TM9SF3: variants seen among roughly 807,000 people sequenced by gnomAD.
TM9SF3 encodes SM-11044-binding protein.
Under a neutral mutation model 78.6 loss-of-function variants are expected in TM9SF3, and 14 were observed. The observed-to-expected ratio is 0.18, with a 90% CI of 0.12 to 0.28. The LOEUF (loss-of-function observed/expected upper bound fraction) is 0.28. Ranked by LOEUF, TM9SF3 falls within the 10% of genes least tolerant of loss-of-function variation. The pLI, the probability that TM9SF3 is intolerant of heterozygous loss-of-function variation, is 1.00. For missense variants in TM9SF3, 496 were observed against 721.9 expected, an observed-to-expected ratio of 0.69 and a Z score of 3.59; for synonymous variants, 231 against 241.7, an observed-to-expected ratio of 0.96 and a Z score of 0.41.
At chr10:96,527,517 G>A (rs749360283) in intron 12 of TM9SF3, 21 bp from the exon 13 acceptor site, 3 of 1,573,934 alleles carry the variant, frequency 1.9e-6, no homozygotes, top group East Asian at 2.2e-5. Context: ...GAGGGGGAAA[G>A]AAGATAAATC....
chr10:96,566,081 A>G (rs1355676545), intron 2 of TM9SF3, among the ~76,000 whole-genome samples: 3 of 152,188 alleles, frequency 2.0e-5, no homozygotes, highest in Non-Finnish European at 4.4e-5. Flanking sequence ...AACTTAATAA[A>G]CCTAGTATTT....
intron 2 of TM9SF3, among the ~76,000 whole-genome samples, chr10:96,574,135 C>T (rs983013647): frequency 2.6e-5 from 4 of 152,128 alleles, no homozygotes; most frequent in African/African-American, 7.2e-5. Context: ...AGTGAACAGG[C>T]AACCTACAGA....
At chr10:96,568,794 T>C (rs1004002786) in intron 2 of TM9SF3, among the ~76,000 whole-genome samples, 10 of 152,014 alleles carry the variant, frequency 6.6e-5, no homozygotes, top group Non-Finnish European at 1.5e-4. Flanking sequence ...TAGTATCTAG[T>C]AGCTATGTGA....
At chr10:96,578,156 C>A (rs894545954) in intron 1 of TM9SF3, among the ~76,000 whole-genome samples, 1 of 152,144 alleles carries the variant, frequency 6.6e-6, no homozygotes, top group Non-Finnish European at 1.5e-5. Context: ...AAGACTTAGA[C>A]CCAGTCATTT....
At chr10:96,541,214 GAA>G (rs11362800) in intron 9 of TM9SF3, among the ~76,000 whole-genome samples, 3 of 152,146 alleles carry the variant, frequency 2.0e-5, no homozygotes, top group South Asian at 2.1e-4. Flanking sequence ...GCCCACGAAA[GAA>G]AAGACTTTGT....
chr10:96,518,651 C>G lies in TM9SF3; in HGVS notation c.*3612G>C, dbSNP rs1332251436. On this transcript the variant is annotated 3_prime_UTR_variant, in exon 15 of 15. Transcript: ENST00000371142. ...TGCAGCTCCAGTAAGAATGCCAAAT[C>G]AGATGGCTTTTAGGAAATGCTCATA... is the stretch of plus-strand genomic sequence containing the variant. The G allele has an allele frequency of 6.6e-6, 1 of 152,138 alleles. No homozygotes were observed. Among genetic ancestry groups the G allele is most frequent in the African/African-American group, 2.4e-5 (1 of 41,462 alleles). The allele number at this position is 152,138 out of a possible 1,614,324, so 9.4% of individuals were successfully genotyped here. A position where few individuals can be genotyped will look rare whatever the true frequency, so the allele number is the denominator to read the frequency against.
intron 2 of TM9SF3, among the ~76,000 whole-genome samples, chr10:96,572,760 C>T (rs1848451504): frequency 6.6e-6 from 1 of 152,004 alleles, no homozygotes; most frequent in African/African-American, 2.4e-5. Context: ...TCGTGATCCA[C>T]CCGCCTCAGC....
intron 6 of TM9SF3, 106 bp from the exon 7 acceptor site, chr10:96,551,517 T>C (rs945807370): frequency 4.2e-6 from 3 of 720,156 alleles, no homozygotes; most frequent in African/African-American, 3.7e-5. Flanking sequence ...TCCAAATTTA[T>C]AGCTAAAGAA....
In TM9SF3 at chr10:96,522,008, A is replaced by C. The variant is rs1320685689; in HGVS notation, c.*255T>G. The C allele has an allele frequency of 4.8e-6, 2 of 418,020 alleles. No individual in the cohort carries two copies. Among genetic ancestry groups the C allele is most frequent in the Non-Finnish European group, 8.5e-6 (2 of 236,440 alleles). 25.9% of individuals were successfully genotyped at this position (418,020 alleles called of 1,614,324 possible). A position where few individuals can be genotyped will look rare whatever the true frequency, so the allele number is the denominator to read the frequency against. On this transcript the variant is annotated 3_prime_UTR_variant, in exon 15 of 15. Transcript: ENST00000371142. Reference sequence around the variant, plus strand: ...ATCTTTAATGAGCTAGTTTTTGGGAAGATTAGCCATGTACTGTAGTAATGC... The same window carrying C: ...ATCTTTAATGAGCTAGTTTTTGGGACGATTAGCCATGTACTGTAGTAATGC...
chr10:96,586,986 C>T lies in TM9SF3; in HGVS notation c.-151G>A, dbSNP rs1452720602. On this transcript the variant is annotated 5_prime_UTR_variant, in exon 1 of 15. Transcript: ENST00000371142. ...GGCCCAGCCGCTGCCTCCTCTGCCG[C>T]CGCCGTCGCCGTCACCGCCCGCTCC... is the stretch of plus-strand genomic sequence containing the variant. 3 of 494,690 alleles carry T rather than the reference C, an allele frequency of 6.1e-6. No individual in the cohort carries two copies. The highest frequency in any genetic ancestry group is 8.5e-6 in the Non-Finnish European group (3 of 351,220). The allele number at this position is 494,690 out of a possible 1,614,324, so 30.6% of individuals were successfully genotyped here. A position where few individuals can be genotyped will look rare whatever the true frequency, so the allele number is the denominator to read the frequency against.
rs539667361 is a variant in TM9SF3 at position 96,520,875 on chromosome 10, A to G, written c.*1388T>C. 2.5e-6 allele frequency: 1 copy of G among 397,074 alleles called. No individual in the cohort carries two copies. The highest frequency in any genetic ancestry group is 2.1e-5 in the African/African-American group (1 of 48,676). 24.6% of individuals were successfully genotyped at this position (397,074 alleles called of 1,614,324 possible). On this transcript the variant is annotated 3_prime_UTR_variant, in exon 15 of 15. Coordinates refer to ENST00000371142, the MANE Select transcript of TM9SF3 (RefSeq NM_020123.4). ...AGATTTTAAAATACGGGTCCCCTGT[A>G]TGAGAGTAGCATAGTTTATAGCATA... is the stretch of plus-strand genomic sequence containing the variant.
intron 5 of TM9SF3, among the ~76,000 whole-genome samples, chr10:96,556,833 C>T (rs1006277342): frequency 2.0e-5 from 3 of 152,114 alleles, no homozygotes; most frequent in African/African-American, 4.8e-5. Context: ...CACCATTATA[C>T]CAAAATCGTT....
intron 2 of TM9SF3, among the ~76,000 whole-genome samples, chr10:96,566,311 C>A (rs1848369936): frequency 6.6e-6 from 1 of 152,156 alleles, no homozygotes; most frequent in Non-Finnish European, 1.5e-5. Flanking sequence ...AATGCAATTT[C>A]TCTAAAGATA....
At chr10:96,542,227 A>G (rs1174775293) in intron 9 of TM9SF3, among the ~76,000 whole-genome samples, 2 of 152,220 alleles carry the variant, frequency 1.3e-5, no homozygotes. Flanking sequence ...TTAAACGGAG[A>G]AAAGGAGACG....
At chr10:96,553,081 T>C (rs766765063) in intron 5 of TM9SF3, 22 bp from the exon 6 acceptor site, 4 of 1,567,224 alleles carry the variant, frequency 2.6e-6, no homozygotes, top group Admixed American at 2.0e-5. Flanking sequence ...GAAAATAAAA[T>C]GTTACCAACC....
At chr10:96,581,667 C>T (rs901432749) in intron 1 of TM9SF3, among the ~76,000 whole-genome samples, 1 of 152,152 alleles carries the variant, frequency 6.6e-6, no homozygotes, top group Admixed American at 6.5e-5. Flanking sequence ...TTATAGTAAA[C>T]AGCTTATACT....
In TM9SF3 at chr10:96,571,463, G is replaced by A. The variant is rs1014038674; in HGVS notation, c.298+5171C>T. Among the ~76,000 whole-genome samples, 5 of 152,142 alleles carry A rather than the reference G, an allele frequency of 3.3e-5. No homozygotes were observed. The South Asian group carries it at 6.2e-4, about 19-fold the overall frequency. On this transcript the variant is annotated intron_variant, in intron 2 of 14. Transcript: ENST00000371142. ...CTGAAAACAGCATGGGGGATTACCT[G>A]AAGTAAACATCTTCCGGCTGAATAA... is the stretch of plus-strand genomic sequence containing the variant.
At chr10:96,580,288 C>T (rs907579134) in intron 1 of TM9SF3, among the ~76,000 whole-genome samples, 3 of 150,866 alleles carry the variant, frequency 2.0e-5, no homozygotes, top group Middle Eastern at 3.4e-3. Context: ...GTGTGTGAGA[C>T]GGAGTCTTGC....
At chr10:96,541,519 G>C (rs1370572512) in intron 9 of TM9SF3, among the ~76,000 whole-genome samples, 1 of 152,098 alleles carries the variant, frequency 6.6e-6, no homozygotes, top group Non-Finnish European at 1.5e-5. Flanking sequence ...GAGTAGCTGG[G>C]ATTACAGGCC....
Sources: gnomAD v4.1 joint callset for allele counts (sites outside exome capture counted in the v4.1 genomes callset) on GRCh38, gnomAD v4.1.1 for gene constraint, MANE v1.5 for transcripts, NCBI Gene and HGNC (gene_info 2026-07-23, HGNC 2026-07-21) for gene names.